Variants in CTNNA2 observed in about 807,000 individuals in gnomAD.
CTNNA2 encodes catenin alpha-2.
A neutral mutation model predicts 101.0 loss-of-function variants in CTNNA2; 42 were observed. The ratio of observed to expected loss-of-function variants is 0.42; its 90% CI spans 0.32 to 0.54. The LOEUF (loss-of-function observed/expected upper bound fraction) is 0.54. Ranked by LOEUF, CTNNA2 falls within the 20% of genes least tolerant of loss-of-function variation. The probability of loss-of-function intolerance (pLI) is 0.14; values close to 1 mark genes in which losing one functional copy is unlikely to be tolerated. For missense variants in CTNNA2, 871 were observed against 1,223.1 expected, an observed-to-expected ratio of 0.71 and a Z score of 4.29; for synonymous variants, 450 against 456.4, an observed-to-expected ratio of 0.99 and a Z score of 0.18.
intron 9 of CTNNA2, among the ~76,000 whole-genome samples, chr2:80,529,972 C>T (rs918757899): frequency 3.3e-5 from 5 of 151,996 alleles, no homozygotes; most frequent in Admixed American, 1.3e-4. Context: ...AACTTTGGCT[C>T]GGGGTTTGTG....
intron 6 of CTNNA2, among the ~76,000 whole-genome samples, chr2:79,890,768 A>G (rs1684242807): frequency 6.7e-6 from 1 of 148,630 alleles, no homozygotes. Context: ...TGAGTCATTT[A>G]TAAACAATGG....
chr2:79,709,579 T>C (rs1235403208), intron 2 of CTNNA2, among the ~76,000 whole-genome samples: 3 of 152,074 alleles, frequency 2.0e-5, no homozygotes, highest in Non-Finnish European at 2.9e-5. Context: ...ATAATAAATA[T>C]AGACTAAGGA....
intron 9 of CTNNA2, among the ~76,000 whole-genome samples, chr2:80,440,315 T>TA (rs922122886): frequency 5.9e-5 from 9 of 151,328 alleles, no homozygotes; most frequent in African/African-American, 1.5e-4. Flanking sequence ...CCTGGACTTC[T>TA]AAAAAAAAAT....
intron 7 of CTNNA2, among the ~76,000 whole-genome samples, chr2:80,091,532 G>A (rs1699793328): frequency 6.6e-6 from 1 of 152,086 alleles, no homozygotes; most frequent in Non-Finnish European, 1.5e-5. Context: ...TTGGGCTAGA[G>A]CCAGCAGGAT....
At chr2:79,915,761 T>C (rs1686155377) in intron 7 of CTNNA2, among the ~76,000 whole-genome samples, 1 of 152,224 alleles carries the variant, frequency 6.6e-6, no homozygotes, top group Admixed American at 6.5e-5. Flanking sequence ...CTTATGTTTA[T>C]TTATATTCAT....
chr2:80,356,444 A>G (rs540996808), intron 7 of CTNNA2, among the ~76,000 whole-genome samples: 1 of 152,278 alleles, frequency 6.6e-6, no homozygotes, highest in Non-Finnish European at 1.5e-5. Flanking sequence ...GTGGTCTCCA[A>G]GGTTTCTTCC....
chr2:79,230,196 G>A (rs1674471485), intron 2 of CTNNA2, among the ~76,000 whole-genome samples: 1 of 152,236 alleles, frequency 6.6e-6, no homozygotes, highest in African/African-American at 2.4e-5. Context: ...TCCAGGGCAT[G>A]TCAGAGGTTT....
At chr2:80,455,330 T>A (rs1046863981) in intron 9 of CTNNA2, among the ~76,000 whole-genome samples, 10 of 152,154 alleles carry the variant, frequency 6.6e-5, no homozygotes, top group African/African-American at 2.4e-4. Context: ...CAGCTAGTAA[T>A]TGCCAGGTTG....
chr2:80,379,922 C>A (rs1160730349), intron 7 of CTNNA2, among the ~76,000 whole-genome samples: 1 of 152,006 alleles, frequency 6.6e-6, no homozygotes, highest in Non-Finnish European at 1.5e-5. Flanking sequence ...CATTTTTTAG[C>A]CACCATTTAC....
chr2:79,372,701 A>G (rs1677900084), intron 3 of CTNNA2, among the ~76,000 whole-genome samples: 1 of 152,208 alleles, frequency 6.6e-6, no homozygotes, highest in South Asian at 2.1e-4. Context: ...CCCAGAATAC[A>G]AAGACATTCA....
At chr2:79,934,053 C>G (rs978740953) in intron 7 of CTNNA2, among the ~76,000 whole-genome samples, 6 of 152,144 alleles carry the variant, frequency 3.9e-5, no homozygotes, top group African/African-American at 9.7e-5. Flanking sequence ...TAACTATAAA[C>G]TTTGAATATT....
At chr2:79,478,005 T>C (rs1057419587) in intron 4 of CTNNA2, among the ~76,000 whole-genome samples, 1 of 152,232 alleles carries the variant, frequency 6.6e-6, no homozygotes, top group African/African-American at 2.4e-5. Context: ...GTCAAGTTGC[T>C]ACTGAAAATT....
chr2:79,293,026 C>T (rs1266373360), intron 2 of CTNNA2: 1 of 152,302 alleles, frequency 6.6e-6, no homozygotes, highest in Non-Finnish European at 1.5e-5. Context: ...CTCTTTGTCA[C>T]ATTTTCATCT....
chr2:79,428,482 A>T (rs1224918624), intron 4 of CTNNA2, among the ~76,000 whole-genome samples: 1 of 152,154 alleles, frequency 6.6e-6, no homozygotes, highest in Non-Finnish European at 1.5e-5. Flanking sequence ...GAAAAGGGCA[A>T]TTACAGATCA....
At chr2:79,423,231 C>G (rs1469622949) in intron 4 of CTNNA2, among the ~76,000 whole-genome samples, 2 of 152,280 alleles carry the variant, frequency 1.3e-5, no homozygotes, top group East Asian at 3.9e-4. Flanking sequence ...CATGTAGGTA[C>G]TCTGGTCAAT....
At chr2:80,325,519 T>C (rs903761701) in intron 7 of CTNNA2, among the ~76,000 whole-genome samples, 2 of 152,226 alleles carry the variant, frequency 1.3e-5, no homozygotes, top group Non-Finnish European at 2.9e-5. Context: ...TTTTGTTTTG[T>C]ATTTTTCCTG....
At position 79,524,865 on chromosome 2, in the gene CTNNA2, A is replaced by G. The variant is rs982627373; in HGVS notation, c.-6+11658A>G. On this transcript the variant is annotated intron_variant, in intron 1 of 18. Transcript: ENST00000402739. ...TGAATTTCATATGTTCACTTCCAGAAATTTACTTGGCACTTTTATAGATGT... is the reference window on the plus strand; with the variant it reads ...TGAATTTCATATGTTCACTTCCAGAGATTTACTTGGCACTTTTATAGATGT... 6 of 150,858 alleles carry G rather than the reference A, an allele frequency of 4.0e-5. No homozygotes were observed. The South Asian group carries it at 8.3e-4, about 21-fold the overall frequency. The allele number at this position is 150,858 out of a possible 1,614,324, so 9.3% of individuals were successfully genotyped here. A position where few individuals can be genotyped will look rare whatever the true frequency, so the allele number is the denominator to read the frequency against.
At chr2:79,559,829 T>C (rs1042157043) in intron 1 of CTNNA2, among the ~76,000 whole-genome samples, 2 of 151,830 alleles carry the variant, frequency 1.3e-5, no homozygotes, top group African/African-American at 4.8e-5. Context: ...AAAATAATAC[T>C]AACTATAACG....
In CTNNA2 at chr2:80,077,245, A is replaced by G. The variant is rs538364175; in HGVS notation, c.1056+167448A>G. Among the ~76,000 whole-genome samples, 6 of 152,326 alleles carry G rather than the reference A, an allele frequency of 3.9e-5. No individual in the cohort carries two copies. The South Asian group carries it at 1.2e-3, about 32-fold the overall frequency. On this transcript the variant is annotated intron_variant, in intron 7 of 18. Coordinates refer to ENST00000402739, the MANE Select transcript of CTNNA2 (RefSeq NM_001282597.3). ...CATACATTTACCGTAGTACCCAACA[A>G]TAACACTTTTAAGAAAGTAAATAAC... is the stretch of plus-strand genomic sequence containing the variant.
Sources: gnomAD v4.1 joint callset for allele counts (sites outside exome capture counted in the v4.1 genomes callset) on GRCh38, gnomAD v4.1.1 for gene constraint, MANE v1.5 for transcripts, NCBI Gene and HGNC (gene_info 2026-07-23, HGNC 2026-07-21) for gene names.